ZNF671: variants seen among roughly 807,000 people sequenced by gnomAD.
ZNF671 encodes the protein hypothetical protein FLJ23506.
ZNF671 carries 19 observed loss-of-function variants against 16.6 expected under a neutral mutation model. That is an observed-to-expected ratio of 1.14 (90% confidence interval 0.80 to 1.68). The LOEUF is 1.68. ZNF671 is among the 40% of genes most tolerant of loss of function. The pLI, the probability that ZNF671 is intolerant of heterozygous loss-of-function variation, is 0.00. For missense variants in ZNF671, 637 were observed against 659.8 expected (o/e 0.97, Z 0.38); for synonymous variants, 238 against 236.3 (o/e 1.01, Z -0.06).
intron 1 of ZNF671, 56 bp from the exon 2 acceptor site, chr19:57,723,396 G>A: frequency 1.5e-5 from 24 of 1,551,650 alleles, no homozygotes; most frequent in Middle Eastern, 3.5e-4. Flanking sequence ...ATGATCCCCA[G>A]TCTACCTACC....
In ZNF671 at chr19:57,720,384, T is replaced by C. The variant is rs993629305; in HGVS notation, c.*97A>G. 2 of 1,489,600 alleles carry C rather than the reference T, an allele frequency of 1.3e-6. No homozygotes were observed. The highest frequency in any genetic ancestry group is 1.3e-5 in the South Asian group (1 of 75,912). 92.3% of individuals were successfully genotyped at this position (1,489,600 alleles called of 1,614,324 possible). ...AGGTTCAGCCTCCAGGGGAAGGCTT[T>C]CCTGCATCTGCTGCACTCATTAACT... On this transcript the variant is annotated 3_prime_UTR_variant, in exon 4 of 4. Transcript: ENST00000317398.
chr19:57,722,124 G>A, intron 3 of ZNF671, 192 bp downstream of exon 3: 2 of 864,132 alleles, frequency 2.3e-6, no homozygotes, highest in Non-Finnish European at 3.5e-6. Flanking sequence ...TGGGTGTAAG[G>A]TGAAGGCCAG....
At chr19:57,726,882 G>C (rs1285613923) in intron 1 of ZNF671, 1 of 153,444 alleles carries the variant, frequency 6.5e-6, no homozygotes, top group Non-Finnish European at 1.5e-5. Flanking sequence ...AACCTACCCA[G>C]AATATGATCA....
chr19:57,727,525 A>C lies in ZNF671; in HGVS notation c.4T>G (p.Leu2Val). The C allele has an allele frequency of 3.1e-6, 5 of 1,598,930 alleles. No individual in the cohort carries two copies. The highest frequency in any genetic ancestry group is 4.3e-6 in the Non-Finnish European group (5 of 1,168,498). The change falls in exon 1 of 4, where the codon TTG (leucine) becomes GTG (valine). Residue 2 changes from leucine to valine, a missense_variant. Transcript: ENST00000317398. ...GACGCGTCTCGGGACACTGGGGACA[A>C]CATCTCCTCCGCGCTTTCCCAACAC... MLSPVSRDASDA... is the reference protein window; with the variant it reads MVSPVSRDASDA...
chr19:57,720,875 T>C lies in ZNF671; in HGVS notation c.1211A>G (p.Lys404Arg). The change falls in exon 4 of 4, where the codon AAA becomes AGA. Residue 404 changes from lysine (K) to arginine (R), a missense_variant. By Grantham distance (26) the Lys-to-Arg change is conservative. Transcript: ENST00000317398. The stretch of plus-strand genomic sequence containing the variant: ...AAGTGTGTGTTTCCGACTGAACTCT[T>C]TCCCACATTCGCTGCATACATAAGG... ...ARPYVCSECG[K>R]EFSRKHTLVL... is the part of the protein sequence containing the mutation. 2 of 1,614,174 alleles carry C rather than the reference T, an allele frequency of 1.2e-6. No individual in the cohort carries two copies. Among genetic ancestry groups the C allele is most frequent in the South Asian group, 2.2e-5 (2 of 91,082 alleles).
chr19:57,721,602 C>A lies in ZNF671; in HGVS notation c.484G>T (p.Glu162Ter). ...SEVRTLMAELESHPCDICGPI... is the reference protein window; with the variant it reads ...SEVRTLMAEL ...CCACATATGTCACATGGGTGAGACTCCAGCTCTGCCATGAGAGTCCTGACC... is the reference window on the plus strand; with the variant it reads ...CCACATATGTCACATGGGTGAGACTACAGCTCTGCCATGAGAGTCCTGACC... The change falls in exon 4 of 4, where the codon GAG becomes TAG. Residue 162 changes from glutamate (E) to a stop codon, truncating the protein, a stop_gained. Transcript: ENST00000317398. LOFTEE classifies it low-confidence loss of function (END_TRUNC). 1.2e-6 allele frequency: 2 copies of A among 1,614,192 alleles called. No homozygotes were observed. The highest frequency in any genetic ancestry group is 1.7e-6 in the Non-Finnish European group (2 of 1,180,044).
chr19:57,724,221 C>T (rs975723584), intron 1 of ZNF671, among the ~76,000 whole-genome samples: 1 of 152,158 alleles, frequency 6.6e-6, no homozygotes, highest in African/African-American at 2.4e-5. Flanking sequence ...ATCCTCAACC[C>T]TCTTCCATTT....
chr19:57,723,498 G>A (rs1985944800), intron 1 of ZNF671, among the ~76,000 whole-genome samples, 158 bp from the exon 2 acceptor site: 1 of 152,012 alleles, frequency 6.6e-6, no homozygotes, highest in Non-Finnish European at 1.5e-5. Flanking sequence ...GATCACCCCA[G>A]CAATCACTGT....
At position 57,720,655 on chromosome 19, in the gene ZNF671, CT is replaced by C. The variant is rs755262339; in HGVS notation, c.1430del (p.Lys477SerfsTer81). On this transcript the variant is annotated frameshift_variant, in exon 4 of 4. Transcript: ENST00000317398. LOFTEE classifies it low-confidence loss of function (END_TRUNC). ...IQHQKVHSGE[K>X]PYECSKCGKA... ...TCCCGCACTTGCTGCACTCATAAGG[CT>C]TTTCTCCAGAGTGAACTTTCTGGTG... The C allele has an allele frequency of 6.2e-7, 1 of 1,614,196 alleles. No homozygotes were observed. Among genetic ancestry groups the C allele is most frequent in the Non-Finnish European group, 8.5e-7 (1 of 1,180,044 alleles).
chr19:57,721,203 T>C lies in ZNF671; in HGVS notation c.883A>G (p.Thr295Ala), dbSNP rs753146358. ...TGCCGAGCAAGTGTGTCTTTGCGGGTGAAGGCTTTCCCACATTCACCACAC... is the reference window on the plus strand; with the variant it reads ...TGCCGAGCAAGTGTGTCTTTGCGGGCGAAGGCTTTCCCACATTCACCACAC... The part of the protein sequence containing the change: ...HRCGECGKAF[T>A]RKDTLARHQR... The change falls in exon 4 of 4, where the codon ACC becomes GCC. Residue 295 changes from threonine (T) to alanine (A), a missense_variant. Coordinates refer to ENST00000317398, the MANE Select transcript of ZNF671 (RefSeq NM_024833.3). The C allele has an allele frequency of 6.2e-7, 1 of 1,610,186 alleles. No individual in the cohort carries two copies. Among genetic ancestry groups the C allele is most frequent in the South Asian group, 1.1e-5 (1 of 90,612 alleles).
intron 2 of ZNF671, among the ~76,000 whole-genome samples, chr19:57,722,702 G>T (rs1384390228): frequency 6.6e-6 from 1 of 152,126 alleles, no homozygotes; most frequent in Non-Finnish European, 1.5e-5. Context: ...AGGAGTTCAA[G>T]ACCAGCCTGG....
At position 57,720,741 on chromosome 19, in the gene ZNF671, T is replaced by C; in HGVS notation, c.1345A>G (p.Ser449Gly). ...HLNVHWRIHSSDYECSRCGKA... is the reference protein window; with the variant it reads ...HLNVHWRIHSGDYECSRCGKA... ...CCACATCTGCTACACTCATAATCAC[T>C]GCTGTGAATTCTCCAGTGTACATTA... Residue 449 changes from serine to glycine, a missense_variant, in exon 4 of 4, where the codon AGT becomes GGT. Physicochemically the swap from Ser to Gly is moderately conservative, Grantham distance 56. Transcript: ENST00000317398. 6.2e-7 allele frequency: 1 copy of C among 1,614,244 alleles called. No homozygotes were observed. Among genetic ancestry groups the C allele is most frequent in the Non-Finnish European group, 8.5e-7 (1 of 1,180,042 alleles).
At chr19:57,726,784 A>G (rs1239182727) in intron 1 of ZNF671, 1 of 152,374 alleles carries the variant, frequency 6.6e-6, no homozygotes, top group Non-Finnish European at 1.5e-5. Context: ...TCATGGAAAA[A>G]CAACAAAAAC....
intron 3 of ZNF671, 132 bp from the exon 4 acceptor site, chr19:57,721,829 G>A: frequency 7.8e-7 from 1 of 1,290,114 alleles, no homozygotes; most frequent in Non-Finnish European, 1.1e-6. Context: ...CATGGTCAGA[G>A]TGAGGAAGGA....
Position 57,725,944 on chromosome 19 carries a change from T to A in ZNF671, c.138+1447A>T, listed in dbSNP as rs977849938. On this transcript the variant is annotated intron_variant, in intron 1 of 3. Coordinates refer to ENST00000317398, the MANE Select transcript of ZNF671 (RefSeq NM_024833.3). ...GCGAGACTCGTCTCCAAAAAAAAAA[T>A]AAATAAATAAAATAAAACCAAAGCC... Among the ~76,000 whole-genome samples, 12 of 149,108 alleles carry A rather than the reference T, an allele frequency of 8.0e-5. No homozygotes were observed. The South Asian group carries it at 1.3e-3, about 16-fold the overall frequency.
At chr19:57,723,883 A>T (rs796486448) in intron 1 of ZNF671, among the ~76,000 whole-genome samples, 24 of 151,750 alleles carry the variant, frequency 1.6e-4, no homozygotes, top group African/African-American at 5.8e-4. Flanking sequence ...AAAAAAAAAA[A>T]AAATACAAAA....
At chr19:57,727,141 C>T in intron 1 of ZNF671, 1 of 401,798 alleles carries the variant, frequency 2.5e-6, no homozygotes, top group Admixed American at 4.4e-5. Context: ...CCTGCCATTC[C>T]AGTCACAGTT....
Position 57,720,541 on chromosome 19 carries a change from T to A in ZNF671, c.1545A>T (p.Glu515Asp), listed in dbSNP as rs1277052991. 1 of 1,614,156 alleles carries A rather than the reference T, an allele frequency of 6.2e-7. No individual in the cohort carries two copies. The change falls in exon 4 of 4, where the codon GAA (glutamate) becomes GAT (aspartate). Residue 515 changes from glutamate to aspartate, a missense_variant. Transcript: ENST00000317398. ...RPYVCSECGR[E>D]FIRKQTLVLH... Reference sequence around the variant, plus strand: ...GAACAAGTGTCTGTTTCCGGATGAATTCTCTCCCGCACTCACTACACACAT... The same window carrying A: ...GAACAAGTGTCTGTTTCCGGATGAAATCTCTCCCGCACTCACTACACACAT...
chr19:57,727,201 G>C (rs1335420117), intron 1 of ZNF671, 190 bp downstream of exon 1: 2 of 651,084 alleles, frequency 3.1e-6, no homozygotes, highest in Admixed American at 3.5e-5. Context: ...CAAATGTTTG[G>C]GGGTCAGCAG....
Sources: allele counts gnomAD v4.1 joint callset (sites outside exome capture counted in the v4.1 genomes callset), GRCh38; gene constraint gnomAD v4.1.1; transcripts MANE v1.5; gene names NCBI Gene and HGNC (gene_info 2026-07-23, HGNC 2026-07-21).